NTRK2: variants seen among roughly 807,000 people sequenced by gnomAD.
NTRK2 encodes BDNF/NT-3 growth factors receptor.
Under a neutral mutation model 94.5 loss-of-function variants are expected in NTRK2, and 13 were observed. The ratio of observed to expected loss-of-function variants is 0.14; its 90% CI spans 0.09 to 0.22. NTRK2 has a LOEUF of 0.22. Ranked by LOEUF, NTRK2 falls within the 10% of genes least tolerant of loss-of-function variation. NTRK2 has a pLI of 1.00. For synonymous variants in NTRK2, 372 were observed against 407.4 expected, an observed-to-expected ratio of 0.91 and a Z score of 1.05; for missense variants, 639 against 1,071.2, an observed-to-expected ratio of 0.60 and a Z score of 5.63.
At position 84,898,683 on chromosome 9, in the gene NTRK2, T is replaced by A. The variant is rs1440761930; in HGVS notation, c.1633+31252T>A. Reference sequence around the variant, plus strand: ...TGGGAAGACCCTTCTGAGCCCCCATTTTTTTTTTTCTAAGACAGAGTCTCG... The same window carrying A: ...TGGGAAGACCCTTCTGAGCCCCCATATTTTTTTTTCTAAGACAGAGTCTCG... On this transcript the variant is annotated intron_variant, in intron 14 of 18. Transcript: ENST00000277120. Among the ~76,000 whole-genome samples, 3 of 139,876 alleles carry A rather than the reference T, an allele frequency of 2.1e-5. No homozygotes were observed. The Admixed American group carries it at 2.1e-4, about 10-fold the overall frequency. The allele number at this position is 139,876 out of a possible 152,430, so 91.8% of individuals were successfully genotyped here.
In NTRK2 at chr9:84,707,692, C is replaced by T. The variant is rs534419167; in HGVS notation, c.360-152C>T. Reference sequence around the variant, plus strand: ...GGTTAGAGGAAAAACTCAGCTATCACTCTAAGTGAAAGAGAGAGAGATCTG... The same window carrying T: ...GGTTAGAGGAAAAACTCAGCTATCATTCTAAGTGAAAGAGAGAGAGATCTG... On this transcript the variant is annotated intron_variant, in intron 4 of 18. Coordinates refer to ENST00000277120, the MANE Select transcript of NTRK2 (RefSeq NM_006180.6). 69 of 626,588 alleles carry T rather than the reference C, an allele frequency of 1.1e-4. 1 individual carries two copies. In the African/African-American group the frequency reaches 1.2e-3, roughly 11 times the overall value. 38.8% of individuals were successfully genotyped at this position (626,588 alleles called of 1,614,324 possible).
intron 12 of NTRK2, among the ~76,000 whole-genome samples, chr9:84,837,769 T>C (rs970367275): frequency 2.6e-5 from 4 of 152,226 alleles, no homozygotes; most frequent in Non-Finnish European, 4.4e-5. Flanking sequence ...TAAATAACTT[T>C]TCTTTTAAAA....
chr9:84,854,211 T>A (rs2131917323), intron 12 of NTRK2, among the ~76,000 whole-genome samples: 1 of 152,210 alleles, frequency 6.6e-6, no homozygotes, highest in Non-Finnish European at 1.5e-5. Flanking sequence ...AGCTTTGGGA[T>A]GGGATAACTC....
intron 14 of NTRK2, chr9:84,877,422 G>A (rs913371209): frequency 4.7e-6 from 5 of 1,065,992 alleles, no homozygotes; most frequent in Non-Finnish European, 3.4e-6. Flanking sequence ...GGGACTTTGA[G>A]TGGGTGGGTA....
At chr9:84,889,801 T>C (rs1359518008) in intron 14 of NTRK2, among the ~76,000 whole-genome samples, 1 of 152,200 alleles carries the variant, frequency 6.6e-6, no homozygotes, top group Non-Finnish European at 1.5e-5. Context: ...TAGGATTTAG[T>C]TTTCAGAAAA....
At chr9:84,706,569 A>G (rs1489924460) in intron 4 of NTRK2, among the ~76,000 whole-genome samples, 21 of 116,138 alleles carry the variant, frequency 1.8e-4, no homozygotes, top group African/African-American at 6.9e-4. Context: ...TTGCTCTGTC[A>G]CCCAGGCTGG....
chr9:84,813,035 C>T (rs2071987206), intron 12 of NTRK2: 1 of 1,036,442 alleles, frequency 9.6e-7, no homozygotes, highest in Non-Finnish European at 1.2e-6. Context: ...CATCATTTTG[C>T]TTTTTATGTC....
intron 17 of NTRK2, among the ~76,000 whole-genome samples, chr9:84,961,618 A>G (rs755370160): frequency 5.9e-5 from 9 of 152,164 alleles, no homozygotes; most frequent in Admixed American, 2.6e-4. Flanking sequence ...TCATTCATTC[A>G]TTTTATCAGT....
At chr9:84,869,673 G>A (rs2132085184) in intron 14 of NTRK2, among the ~76,000 whole-genome samples, 1 of 152,220 alleles carries the variant, frequency 6.6e-6, no homozygotes, top group African/African-American at 2.4e-5. Context: ...AGCTCTTGGA[G>A]AGCAGGATCT....
At chr9:84,756,356 G>T (rs1465657096) in intron 12 of NTRK2, among the ~76,000 whole-genome samples, 1 of 152,174 alleles carries the variant, frequency 6.6e-6, no homozygotes, top group Non-Finnish European at 1.5e-5. Context: ...ACGTAGGAGT[G>T]CATGTGAGGG....
intron 12 of NTRK2, among the ~76,000 whole-genome samples, chr9:84,798,975 C>G (rs2586568): frequency 0.74 from 108,196 of 146,144 alleles, 41,100 homozygotes; most frequent in Admixed American, 0.84. Flanking sequence ...CCCAAATTAA[C>G]TATTATCATT....
At chr9:84,980,814 ATGC>A (rs1255443455) in intron 17 of NTRK2, among the ~76,000 whole-genome samples, 1 of 152,248 alleles carries the variant, frequency 6.6e-6, no homozygotes, top group East Asian at 1.9e-4. Flanking sequence ...TAAGCTCGTG[ATGC>A]CAAATGTGAG....
At chr9:84,766,730 C>A (rs913205839) in intron 12 of NTRK2, among the ~76,000 whole-genome samples, 10 of 151,780 alleles carry the variant, frequency 6.6e-5, no homozygotes, top group Admixed American at 5.3e-4. Context: ...TCAATGCACA[C>A]AAACCACACA....
At chr9:84,771,870 G>A (rs922817142) in intron 12 of NTRK2, among the ~76,000 whole-genome samples, 2 of 152,172 alleles carry the variant, frequency 1.3e-5, no homozygotes, top group East Asian at 1.9e-4. Context: ...GGGCCACTTC[G>A]GGGTATCGTT....
chr9:84,790,535 T>C (rs2133195610), intron 12 of NTRK2, among the ~76,000 whole-genome samples: 1 of 152,358 alleles, frequency 6.6e-6, no homozygotes, highest in African/African-American at 2.4e-5. Context: ...TTAATTTCCC[T>C]ACTTCTGTAA....
At chr9:85,016,873 GA>G (rs1329122652) in intron 17 of NTRK2, among the ~76,000 whole-genome samples, 2 of 152,118 alleles carry the variant, frequency 1.3e-5, no homozygotes, top group Non-Finnish European at 2.9e-5. Flanking sequence ...AGGGATTCTT[GA>G]AAGAATTAGA....
intron 12 of NTRK2, among the ~76,000 whole-genome samples, chr9:84,829,862 G>A (rs145027473): frequency 3.9e-5 from 6 of 152,280 alleles, no homozygotes; most frequent in African/African-American, 1.2e-4. Flanking sequence ...TTCCACAAGG[G>A]ATAGCAAAGA....
At chr9:84,847,760 A>G (rs564313587) in intron 12 of NTRK2, among the ~76,000 whole-genome samples, 1 of 152,310 alleles carries the variant, frequency 6.6e-6, no homozygotes, top group South Asian at 2.1e-4. Context: ...TGAATCACAT[A>G]GGTTGCCTGG....
intron 12 of NTRK2, among the ~76,000 whole-genome samples, chr9:84,799,088 C>T (rs1405638721): frequency 6.6e-6 from 1 of 152,046 alleles, no homozygotes; most frequent in African/African-American, 2.4e-5. Flanking sequence ...ACTCTTCTTT[C>T]TGCCTCTCAG....
Sources: gnomAD v4.1 joint callset for allele counts (sites outside exome capture counted in the v4.1 genomes callset) on GRCh38, gnomAD v4.1.1 for gene constraint, MANE v1.5 for transcripts, NCBI Gene and HGNC (gene_info 2026-07-23, HGNC 2026-07-21) for gene names.